Variants in IMMP2L observed in about 807,000 individuals in gnomAD.
IMMP2L encodes the protein inner mitochondrial membrane peptidase subunit 2.
IMMP2L carries 18 observed loss-of-function variants against 19.3 expected under a neutral mutation model. The ratio of observed to expected loss-of-function variants is 0.93; its 90% CI spans 0.64 to 1.38. The LOEUF is 1.38. IMMP2L is among the 40% of genes most tolerant of loss of function. IMMP2L has a pLI of 0.00. For missense variants in IMMP2L, 233 were observed against 218.2 expected (o/e 1.07, Z -0.43); for synonymous variants, 76 against 73.0 (o/e 1.04, Z -0.21).
chr7:111,379,592 C>T lies in IMMP2L; in HGVS notation c.239+107646G>A, dbSNP rs138149911. Among the ~76,000 whole-genome samples, 845 of 151,688 alleles carry T rather than the reference C, an allele frequency of 5.6e-3. 5 individuals carry two copies. Among genetic ancestry groups the T allele is most frequent in the Middle Eastern group, 0.017 (5 of 294 alleles). ...GTGAATATAGTGGAAAGGAACCAGG[C>T]TGAAAGTCAAATAGAAACACCATTT... On this transcript the variant is annotated intron_variant, in intron 3 of 5. Transcript: ENST00000405709.
rs540809489 is a variant in IMMP2L at position 111,431,432 on chromosome 7, A to G, written c.239+55806T>C. 3.9e-5 allele frequency among the ~76,000 whole-genome samples: 6 copies of G among 152,008 alleles called. No homozygotes were observed. The South Asian group carries it at 1.0e-3, about 26-fold the overall frequency. Reference sequence around the variant, plus strand: ...TTTTACACATTCCTTTTATTAATCTATAAACTCTATAAGCAAGGATCATGG... The same window carrying G: ...TTTTACACATTCCTTTTATTAATCTGTAAACTCTATAAGCAAGGATCATGG... On this transcript the variant is annotated intron_variant, in intron 3 of 5. Transcript: ENST00000405709.
chr7:110,726,379 G>A (rs1204012459), intron 5 of IMMP2L, among the ~76,000 whole-genome samples: 3 of 152,098 alleles, frequency 2.0e-5, no homozygotes, highest in South Asian at 2.1e-4. Context: ...CATGGAAATC[G>A]ATTTTATCCA....
chr7:111,366,706 A>G (rs1270044342), intron 3 of IMMP2L, among the ~76,000 whole-genome samples: 2 of 152,038 alleles, frequency 1.3e-5, no homozygotes, highest in African/African-American at 4.8e-5. Context: ...AAGGAAGGCA[A>G]TAATATCTGA....
At chr7:110,667,562 C>A (rs920579801) in intron 5 of IMMP2L, among the ~76,000 whole-genome samples, 4 of 152,262 alleles carry the variant, frequency 2.6e-5, no homozygotes, top group African/African-American at 9.6e-5. Flanking sequence ...GCAGAAGGGT[C>A]AGATTCAAAG....
chr7:111,496,210 G>A (rs1405912615), intron 2 of IMMP2L, among the ~76,000 whole-genome samples: 1 of 151,988 alleles, frequency 6.6e-6, no homozygotes, highest in Non-Finnish European at 1.5e-5. Flanking sequence ...TGCTATTCAG[G>A]GGTCTCCATA....
chr7:111,210,663 A>T (rs1181055938), intron 3 of IMMP2L, among the ~76,000 whole-genome samples: 4 of 152,138 alleles, frequency 2.6e-5, no homozygotes, highest in Non-Finnish European at 5.9e-5. Context: ...ATCTGCCTAC[A>T]CTTATATTCT....
At chr7:110,908,069 T>C (rs1209078186) in intron 4 of IMMP2L, among the ~76,000 whole-genome samples, 1 of 152,170 alleles carries the variant, frequency 6.6e-6, no homozygotes, top group East Asian at 1.9e-4. Flanking sequence ...TATTATGTAG[T>C]TTTTGGTTTA....
In IMMP2L at chr7:111,556,018, G is replaced by GTGTGTGTATATATATATATA. The variant is rs777862357; in HGVS notation, c.-3+5832_-3+5833insTATATATATATATACACACA. Reference sequence around the variant, plus strand: ...TTAGCCATCCCTCTTCTGTGTGCATGTATATATATATATATATACATACCC... The same window carrying GTGTGTGTATATATATATATA: ...TTAGCCATCCCTCTTCTGTGTGCATGTGTGTGTATATATATATATATATATATATATATATATACATACCC... On this transcript the variant is annotated intron_variant, in intron 1 of 5. Coordinates refer to ENST00000405709, the MANE Select transcript of IMMP2L (RefSeq NM_032549.4). 9.9e-4 allele frequency among the ~76,000 whole-genome samples: 90 copies of GTGTGTGTATATATATATATA among 91,366 alleles called. 3 individuals carry two copies. Among genetic ancestry groups the GTGTGTGTATATATATATATA allele is most frequent in the South Asian group, 1.7e-3 (4 of 2,360 alleles). The allele number at this position is 91,366 out of a possible 152,430, so 59.9% of individuals were successfully genotyped here.
At chr7:111,534,209 A>T (rs777028595) in intron 1 of IMMP2L, among the ~76,000 whole-genome samples, 1 of 152,150 alleles carries the variant, frequency 6.6e-6, no homozygotes, top group Non-Finnish European at 1.5e-5. Flanking sequence ...CAAAGATATG[A>T]TCAACGATAT....
intron 3 of IMMP2L, chr7:111,391,704 T>C (rs977823180): frequency 4.7e-5 from 24 of 510,088 alleles, no homozygotes; most frequent in Middle Eastern, 4.1e-4. Context: ...TATCCAAAGA[T>C]GCAAATTTTT....
intron 3 of IMMP2L, among the ~76,000 whole-genome samples, chr7:111,446,626 T>A (rs1838466390): frequency 6.6e-6 from 1 of 151,906 alleles, no homozygotes; most frequent in Non-Finnish European, 1.5e-5. Context: ...ACAGAAAAAC[T>A]GGAAACTCTA....
At chr7:111,303,909 A>C (rs1156657725) in intron 3 of IMMP2L, among the ~76,000 whole-genome samples, 2 of 152,110 alleles carry the variant, frequency 1.3e-5, no homozygotes, top group Non-Finnish European at 1.5e-5. Flanking sequence ...CAAACCTCCC[A>C]AACGAACTTT....
At chr7:111,253,275 G>A (rs1257428714) in intron 3 of IMMP2L, among the ~76,000 whole-genome samples, 1 of 152,050 alleles carries the variant, frequency 6.6e-6, no homozygotes, top group African/African-American at 2.4e-5. Context: ...GTCCATAATG[G>A]CTATTTACTG....
chr7:110,767,888 T>G (rs1321922895), intron 5 of IMMP2L, among the ~76,000 whole-genome samples: 2 of 152,132 alleles, frequency 1.3e-5, no homozygotes, highest in Non-Finnish European at 2.9e-5. Context: ...CTTAAGACAT[T>G]TTTTTGGAAC....
intron 3 of IMMP2L, among the ~76,000 whole-genome samples, chr7:111,325,478 G>T (rs1465074486): frequency 6.6e-6 from 1 of 151,556 alleles, no homozygotes; most frequent in Non-Finnish European, 1.5e-5. Context: ...ATTAGTAAAT[G>T]AATTCCAAAA....
rs114748933 is a variant in IMMP2L at position 111,435,373 on chromosome 7, C to T, written c.239+51865G>A. Reference sequence around the variant, plus strand: ...GTCATAAAAAAGAATGAAATAATGTCCTTGGCAGCAACATGGATAGAACTG... The same window carrying T: ...GTCATAAAAAAGAATGAAATAATGTTCTTGGCAGCAACATGGATAGAACTG... On this transcript the variant is annotated intron_variant, in intron 3 of 5. Transcript: ENST00000405709. Among the ~76,000 whole-genome samples, 328 of 151,814 alleles carry T rather than the reference C, an allele frequency of 2.2e-3. 10 individuals carry two copies. Among genetic ancestry groups the T allele is most frequent in the African/African-American group, 7.5e-3 (311 of 41,220 alleles).
intron 3 of IMMP2L, among the ~76,000 whole-genome samples, chr7:111,193,208 G>C (rs766124725): frequency 6.6e-6 from 1 of 152,124 alleles, no homozygotes; most frequent in Non-Finnish European, 1.5e-5. Flanking sequence ...GGACTAATGG[G>C]AAGAAATTAA....
intron 5 of IMMP2L, among the ~76,000 whole-genome samples, chr7:110,700,600 C>G (rs950673837): frequency 3.9e-5 from 6 of 152,222 alleles, no homozygotes; most frequent in Non-Finnish European, 5.9e-5. Flanking sequence ...CCCCAACACT[C>G]TGGCATCTCC....
intron 5 of IMMP2L, among the ~76,000 whole-genome samples, chr7:110,814,782 C>T: frequency 6.6e-6 from 1 of 150,586 alleles, no homozygotes; most frequent in East Asian, 1.9e-4. Context: ...AGAAAGAAAC[C>T]TCATTACAAA....
Sources: gnomAD v4.1 joint callset for allele counts (sites outside exome capture counted in the v4.1 genomes callset) on GRCh38, gnomAD v4.1.1 for gene constraint, MANE v1.5 for transcripts, NCBI Gene and HGNC (gene_info 2026-07-23, HGNC 2026-07-21) for gene names.